The following FAM169A variants were observed in gnomAD, a reference collection of about 807,000 sequenced individuals.
FAM169A encodes family with sequence similarity 169 member A, also known as soluble lamin-associated protein of 75 kDa.
A neutral mutation model predicts 75.7 loss-of-function variants in FAM169A; 24 were observed. The observed-to-expected ratio is 0.32, with a 90% CI of 0.23 to 0.45. The LOEUF (loss-of-function observed/expected upper bound fraction) is 0.45. Among genes scored for constraint, FAM169A ranks in the 20% least tolerant of loss-of-function variants. The probability of loss-of-function intolerance (pLI) is 1.00; values close to 1 mark genes in which losing one functional copy is unlikely to be tolerated. For missense variants in FAM169A, 673 were observed against 784.0 expected (o/e 0.86, Z 1.69); for synonymous variants, 271 against 271.0 (o/e 1.00, Z 0.00).
chr5:74,786,893 TG>T (rs1745723695), intron 11 of FAM169A, among the ~76,000 whole-genome samples: 1 of 152,182 alleles, frequency 6.6e-6, no homozygotes, highest in African/African-American at 2.4e-5. Flanking sequence ...TGGGGACACG[TG>T]GGAGGACCCT....
chr5:74,795,931 A>C (rs1746248807), intron 11 of FAM169A, 99 bp downstream of exon 11: 6 of 1,256,746 alleles, frequency 4.8e-6, no homozygotes, highest in Middle Eastern at 2.0e-4. Flanking sequence ...AATTTCTAAC[A>C]CTCTAAAATA....
At chr5:74,783,490 A>G (rs925421102) in intron 11 of FAM169A, among the ~76,000 whole-genome samples, 6 of 152,170 alleles carry the variant, frequency 3.9e-5, no homozygotes, top group Non-Finnish European at 8.8e-5. Flanking sequence ...TTTTCAGGAA[A>G]AAGGCACCAG....
intron 1 of FAM169A, among the ~76,000 whole-genome samples, chr5:74,842,997 G>A (rs767880407): frequency 4.0e-5 from 6 of 150,606 alleles, no homozygotes; most frequent in Admixed American, 1.3e-4. Context: ...AGTAAAATAG[G>A]ACATAAAATT....
chr5:74,802,438 A>T (rs905666247), intron 8 of FAM169A, among the ~76,000 whole-genome samples: 1 of 152,036 alleles, frequency 6.6e-6, no homozygotes, highest in Non-Finnish European at 1.5e-5. Context: ...TTAGAATACA[A>T]ATTCTCAACC....
At chr5:74,790,915 C>T (rs2112486217) in intron 11 of FAM169A, among the ~76,000 whole-genome samples, 1 of 152,292 alleles carries the variant, frequency 6.6e-6, no homozygotes, top group South Asian at 2.1e-4. Context: ...TTTGTCCTCA[C>T]TGGAATAGAC....
chr5:74,852,184 A>G (rs1006348224), intron 1 of FAM169A, among the ~76,000 whole-genome samples: 6 of 152,168 alleles, frequency 3.9e-5, no homozygotes, highest in African/African-American at 1.4e-4. Context: ...TTCACTAGAC[A>G]ACTAAGAAAT....
At chr5:74,824,700 CACACACAT>C (rs1185043529) in intron 5 of FAM169A, among the ~76,000 whole-genome samples, 1 of 124,450 alleles carries the variant, frequency 8.0e-6, no homozygotes, top group Non-Finnish European at 1.6e-5. Flanking sequence ...TTTCCTGATA[CACACACAT>C]ACACACACAC....
chr5:74,788,225 T>TA (rs1377716454), intron 11 of FAM169A, among the ~76,000 whole-genome samples: 3 of 152,194 alleles, frequency 2.0e-5, no homozygotes, highest in Non-Finnish European at 4.4e-5. Context: ...AGGTCTGACT[T>TA]ACAGTCGGTC....
At chr5:74,787,711 G>A (rs1294054205) in intron 11 of FAM169A, among the ~76,000 whole-genome samples, 2 of 152,164 alleles carry the variant, frequency 1.3e-5, no homozygotes, top group African/African-American at 2.4e-5. Context: ...ATGGACCGCA[G>A]CAGAGGCAAA....
chr5:74,777,587 T>C lies in FAM169A; in HGVS notation c.*3873A>G, dbSNP rs1368554290. 6.9e-6 allele frequency: 1 copy of C among 145,742 alleles called. No homozygotes were observed. The highest frequency in any genetic ancestry group is 6.7e-5 in the Admixed American group (1 of 14,824). The allele number at this position is 145,742 out of a possible 1,614,324, so 9.0% of individuals were successfully genotyped here. The stretch of plus-strand genomic sequence containing the variant: ...ATAATCACCACATTGTTTTAAATTG[T>C]TTATTTTTTTTTTAAAGAAGTCTGT... On this transcript the variant is annotated 3_prime_UTR_variant, in exon 13 of 13. Coordinates refer to ENST00000687041, the MANE Select transcript of FAM169A (RefSeq NM_001376049.1).
At chr5:74,819,162 C>T (rs62366424) in intron 5 of FAM169A, among the ~76,000 whole-genome samples, 40,053 of 150,558 alleles carry the variant, frequency 0.27, 6,016 homozygotes, top group African/African-American at 0.41. Flanking sequence ...GAGGTTGCAG[C>T]GAGCTGAGAT....
chr5:74,834,331 C>G, intron 5 of FAM169A, 95 bp downstream of exon 5: 1 of 661,274 alleles, frequency 1.5e-6, no homozygotes, highest in East Asian at 3.2e-5. Flanking sequence ...AATTTGCATG[C>G]TAGAGATTAA....
intron 1 of FAM169A, among the ~76,000 whole-genome samples, chr5:74,854,475 CTT>C (rs1275248195): frequency 1.3e-4 from 20 of 152,238 alleles, no homozygotes; most frequent in Admixed American, 3.3e-4. Context: ...CCCAATCACA[CTT>C]TGTTATTTTT....
chr5:74,854,421 TC>T (rs2112723651), intron 1 of FAM169A, among the ~76,000 whole-genome samples: 1 of 149,266 alleles, frequency 6.7e-6, no homozygotes, highest in South Asian at 2.1e-4. Flanking sequence ...ATAATAATAA[TC>T]ACATCCATCA....
At chr5:74,830,306 A>C (rs1285667066) in intron 5 of FAM169A, among the ~76,000 whole-genome samples, 1 of 152,222 alleles carries the variant, frequency 6.6e-6, no homozygotes, top group Non-Finnish European at 1.5e-5. Context: ...TTCAATGTCG[A>C]ACATGATGTG....
At chr5:74,863,640 A>G (rs1196852806) in intron 1 of FAM169A, among the ~76,000 whole-genome samples, 2 of 152,202 alleles carry the variant, frequency 1.3e-5, no homozygotes, top group African/African-American at 4.8e-5. Context: ...CTTAAAACGG[A>G]GTATTTAGGT....
intron 5 of FAM169A, among the ~76,000 whole-genome samples, chr5:74,819,443 T>C (rs1457834142): frequency 6.6e-6 from 1 of 152,140 alleles, no homozygotes; most frequent in Non-Finnish European, 1.5e-5. Flanking sequence ...CCCTCACACA[T>C]TGCTGGTGGG....
intron 6 of FAM169A, 57 bp downstream of exon 6, chr5:74,813,783 A>C (rs1176522466): frequency 7.7e-7 from 1 of 1,306,644 alleles, no homozygotes; most frequent in Non-Finnish European, 1.0e-6. Context: ...ATTTTGAAGA[A>C]ACAAGTCGGA....
chr5:74,799,189 C>T, intron 10 of FAM169A: 3 of 1,200,264 alleles, frequency 2.5e-6, no homozygotes, highest in Non-Finnish European at 3.7e-6. Flanking sequence ...CAAGCATGAC[C>T]ACATCGTCAC....
Sources: gnomAD v4.1 joint callset for allele counts (sites outside exome capture counted in the v4.1 genomes callset) on GRCh38, gnomAD v4.1.1 for gene constraint, MANE v1.5 for transcripts, NCBI Gene and HGNC (gene_info 2026-07-23, HGNC 2026-07-21) for gene names.